Variants in SVEP1 observed in about 807,000 individuals in gnomAD.
SVEP1 encodes the protein sushi, von Willebrand factor type A, EGF and pentraxin domain containing 1, also known as sushi, von Willebrand factor type A, EGF and pentraxin domain-containing protein 1.
SVEP1 carries 164 observed loss-of-function variants against 367.3 expected under a neutral mutation model. That is an observed-to-expected ratio of 0.45 (90% CI 0.39 to 0.51). The LOEUF (loss-of-function observed/expected upper bound fraction) is 0.51, where lower values mean the gene tolerates loss of function less well. Among genes scored for constraint, SVEP1 ranks in the 20% least tolerant of loss-of-function variants. The pLI is 0.00. For synonymous variants in SVEP1, 1,666 were observed against 1,611.6 expected, an observed-to-expected ratio of 1.03 and a Z score of -0.81; for missense variants, 4,117 against 4,425.3, an observed-to-expected ratio of 0.93 and a Z score of 1.98.
rs770137318 is a variant in SVEP1, at chr9:110,499,099, C to A, written c.1623G>T (p.Met541Ile). 7 of 1,613,752 alleles carry A rather than the reference C, an allele frequency of 4.3e-6. No homozygotes were observed. Among genetic ancestry groups the A allele is most frequent in the Non-Finnish European group, 5.9e-6 (7 of 1,179,802 alleles). Residue 541 changes from methionine to isoleucine, a missense_variant, in exon 7 of 48, where the codon ATG becomes ATT. By Grantham distance (10) the Met-to-Ile change is conservative. Coordinates refer to ENST00000374469, the MANE Select transcript of SVEP1 (RefSeq NM_153366.4). ...ATTTTCCAGAAGTGGTACATCTCAGCATTTCTTTGACTCCAGATAAAATGA... is the reference window on the plus strand; with the variant it reads ...ATTTTCCAGAAGTGGTACATCTCAGAATTTCTTTGACTCCAGATAAAATGA... ...QGFILSGVKE[M>I]LRCTTSGKWN...
Position 110,579,529 on chromosome 9 carries a change from C to T in SVEP1, c.15G>A (p.Leu5=), listed in dbSNP as rs1275370520. Residue 5 remains leucine (L), a synonymous_variant, in exon 1 of 48, where the codon CTG becomes CTA. Transcript: ENST00000374469. The surrounding 1 kb of genome is among the most constrained non-coding windows in gnomAD (Gnocchi z 5.3). MWPR[L]AFCCWGLALV... is the part of the protein sequence containing the mutation. ...GCGCCAGACCCCAGCAACAAAAGGCCAGGCGAGGCCACATCGCGCTGGAGA... is the reference window on the plus strand; with the variant it reads ...GCGCCAGACCCCAGCAACAAAAGGCTAGGCGAGGCCACATCGCGCTGGAGA... The T allele has an allele frequency of 6.2e-7, 1 of 1,600,616 alleles. No homozygotes were observed. The highest frequency in any genetic ancestry group is 2.3e-5 in the East Asian group (1 of 44,016).
intron 30 of SVEP1, 21 bp downstream of exon 30, chr9:110,434,315 G>A (rs773174829): frequency 8.9e-6 from 14 of 1,579,732 alleles, no homozygotes; most frequent in Non-Finnish European, 1.2e-5. Context: ...CACTGAAATG[G>A]CTTCAAGAAA....
At chr9:110,382,774 G>A (rs1051071873) in intron 43 of SVEP1, among the ~76,000 whole-genome samples, 64 of 152,050 alleles carry the variant, frequency 4.2e-4, no homozygotes, top group Non-Finnish European at 8.1e-4. Flanking sequence ...TTCATTCTTT[G>A]TTCTCTAATC....
At position 110,481,389 on chromosome 9, in the gene SVEP1, A is replaced by G; in HGVS notation, c.2218T>C (p.Cys740Arg). ...PFTPVNGDFICTPDNTGVNCT... is the reference protein window; with the variant it reads ...PFTPVNGDFIRTPDNTGVNCT... ...TTGACTCCAGTATTATCTGGAGTGCATATAAAATCCCCATTTACAGGTGTG... is the reference window on the plus strand; with the variant it reads ...TTGACTCCAGTATTATCTGGAGTGCGTATAAAATCCCCATTTACAGGTGTG... Residue 740 changes from cysteine (C) to arginine (R), a missense_variant, in exon 12 of 48, where the codon TGC (cysteine) becomes CGC (arginine). Physicochemically the swap from Cys to Arg is radical, Grantham distance 180 (BLOSUM62 -3). This residue lies in a region of SVEP1 where 2,174 missense variants were observed against 2,494.3 expected (regional missense o/e 0.87). Coordinates refer to ENST00000374469, the MANE Select transcript of SVEP1 (RefSeq NM_153366.4). 1 of 1,604,630 alleles carries G rather than the reference A, an allele frequency of 6.2e-7. No homozygotes were observed. Among genetic ancestry groups the G allele is most frequent in the South Asian group, 1.1e-5 (1 of 88,618 alleles).
chr9:110,418,726 G>C (rs1457248775), intron 36 of SVEP1, among the ~76,000 whole-genome samples: 1 of 44,450 alleles, frequency 2.2e-5, no homozygotes, highest in Non-Finnish European at 4.6e-5. Context: ...GAAAGGTCGG[G>C]TTACCCTCAA....
chr9:110,448,335 G>C (rs1198156023), intron 24 of SVEP1, among the ~76,000 whole-genome samples: 1 of 152,210 alleles, frequency 6.6e-6, no homozygotes, highest in Non-Finnish European at 1.5e-5. Flanking sequence ...CCGTGTGACT[G>C]AAATATTTTG....
At chr9:110,563,217 A>T (rs899055379) in intron 1 of SVEP1, among the ~76,000 whole-genome samples, 3 of 152,204 alleles carry the variant, frequency 2.0e-5, no homozygotes, top group African/African-American at 7.2e-5. Context: ...ATTTTAGAGG[A>T]ATCTATTATA....
chr9:110,491,214 A>G (rs1349187053), intron 8 of SVEP1, among the ~76,000 whole-genome samples: 1 of 151,664 alleles, frequency 6.6e-6, no homozygotes. Context: ...GTTGTTTCTT[A>G]TTATTCTTTT....
chr9:110,371,446 C>T (rs1001032635), intron 46 of SVEP1, among the ~76,000 whole-genome samples: 16 of 152,088 alleles, frequency 1.1e-4, no homozygotes, highest in South Asian at 4.2e-4. Flanking sequence ...TTTTTCCTCC[C>T]GTGAGTATTT....
chr9:110,400,559 G>T (rs1482592736), intron 40 of SVEP1, among the ~76,000 whole-genome samples: 1 of 152,066 alleles, frequency 6.6e-6, no homozygotes, highest in Non-Finnish European at 1.5e-5. Flanking sequence ...TAGAGACGGG[G>T]TTTCACCATG....
intron 43 of SVEP1, among the ~76,000 whole-genome samples, chr9:110,383,972 A>ATGG (rs1029665166): frequency 3.3e-5 from 5 of 150,528 alleles, no homozygotes; most frequent in African/African-American, 1.2e-4. Context: ...GGAAAAAAAA[A>ATGG]TGGTAGACTG....
chr9:110,462,593 C>T (rs1828873760), intron 18 of SVEP1, among the ~76,000 whole-genome samples: 1 of 150,348 alleles, frequency 6.7e-6, no homozygotes, highest in Admixed American at 6.7e-5. Context: ...ATACGCAATT[C>T]CTAATGAACT....
rs61074591 is a variant in SVEP1 at position 110,533,594 on chromosome 9, CTGTG to C, written c.964+12517_964+12520del. Among the ~76,000 whole-genome samples, 4 of 146,708 alleles carry C rather than the reference CTGTG, an allele frequency of 2.7e-5. No homozygotes were observed. In the East Asian group the frequency reaches 6.8e-4, roughly 25 times the overall value. On this transcript the variant is annotated intron_variant, in intron 3 of 47. Coordinates refer to ENST00000374469, the MANE Select transcript of SVEP1 (RefSeq NM_153366.4). ...ACCCGGGGTTACTATCTCTGTGTGT[CTGTG>C]TGTGTGTGTGCACGCACACGTGTGT...
At chr9:110,506,929 G>T (rs1829635513) in intron 5 of SVEP1, among the ~76,000 whole-genome samples, 1 of 152,016 alleles carries the variant, frequency 6.6e-6, no homozygotes, top group African/African-American at 2.4e-5. Context: ...GTAGGGGAAA[G>T]AATAAATAGG....
At chr9:110,544,658 T>C (rs1830194988) in intron 3 of SVEP1, among the ~76,000 whole-genome samples, 3 of 152,142 alleles carry the variant, frequency 2.0e-5, no homozygotes, top group Non-Finnish European at 4.4e-5. Flanking sequence ...GTAACAACTA[T>C]TCACACGCAT....
At chr9:110,501,755 AAATGAT>A (rs1829535633) in intron 6 of SVEP1, among the ~76,000 whole-genome samples, 1 of 152,198 alleles carries the variant, frequency 6.6e-6, no homozygotes, top group Non-Finnish European at 1.5e-5. Context: ...AATGTGTTTT[AAATGAT>A]AATGAATGAA....
chr9:110,579,271 C>A lies in SVEP1; in HGVS notation c.273G>T (p.Ser91=), dbSNP rs370318587. Residue 91 remains serine (S), a synonymous_variant, in exon 1 of 48, where the codon TCG becomes TCT. Transcript: ENST00000374469. This position sits in a 1 kb window ranked among gnomAD's most constrained non-coding sequence, Gnocchi z 5.3. ...GGAAGTTGACTTCGCCCACGCTGGA[C>A]GAATCATCCACCAGGAAGACAAGCT... The part of the protein sequence containing the change: ...RLELVFLVDD[S]SSVGEVNFRS... 5.9e-5 allele frequency: 93 copies of A among 1,572,874 alleles called. No individual in the cohort carries two copies. The highest frequency in any genetic ancestry group is 7.8e-5 in the Non-Finnish European group (90 of 1,160,538).
chr9:110,430,143 T>C, intron 33 of SVEP1, 131 bp downstream of exon 33: 1 of 1,133,526 alleles, frequency 8.8e-7, no homozygotes, highest in Non-Finnish European at 1.2e-6. Context: ...TGTGGGGTCA[T>C]GTTTAAACAT....
At chr9:110,564,382 C>T (rs1031667754) in intron 1 of SVEP1, among the ~76,000 whole-genome samples, 9 of 152,130 alleles carry the variant, frequency 5.9e-5, no homozygotes, top group Non-Finnish European at 1.3e-4. Context: ...GAATTTAGAA[C>T]ACATGAAAGA....
Sources: gnomAD v4.1 joint callset for allele counts (sites outside exome capture counted in the v4.1 genomes callset) on GRCh38, gnomAD v4.1.1 for gene constraint, gnomAD v4.1.1 regional missense constraint, Gnocchi (gnomAD v3.1) non-coding constraint, MANE v1.5 for transcripts, NCBI Gene and HGNC (gene_info 2026-07-23, HGNC 2026-07-21) for gene names.